The following DYNC2LI1 variants were observed in gnomAD, a reference collection of about 807,000 sequenced individuals.
DYNC2LI1 encodes the protein dynein cytoplasmic 2 light intermediate chain 1, also known as cytoplasmic dynein 2 light intermediate chain 1.
A neutral mutation model predicts 51.9 loss-of-function variants in DYNC2LI1; 45 were observed. The observed-to-expected ratio is 0.87, with a 90% CI of 0.68 to 1.11. DYNC2LI1 has a LOEUF of 1.11. Among genes scored for constraint, DYNC2LI1 ranks in the 50% most tolerant of loss-of-function variants. The pLI, the probability that DYNC2LI1 is intolerant of heterozygous loss-of-function variation, is 0.00. For synonymous variants in DYNC2LI1, 130 were observed against 137.8 expected (o/e 0.94, Z 0.40); for missense variants, 490 against 417.4 (o/e 1.17, Z -1.51).
chr2:43,803,735 A>G (rs1163396619), intron 10 of DYNC2LI1, among the ~76,000 whole-genome samples: 2 of 152,248 alleles, frequency 1.3e-5, no homozygotes, highest in Non-Finnish European at 2.9e-5. Context: ...GAATAACATC[A>G]GTGGAGCGTA....
At chr2:43,785,374 C>T (rs910963637) in intron 3 of DYNC2LI1, among the ~76,000 whole-genome samples, 4 of 152,028 alleles carry the variant, frequency 2.6e-5, no homozygotes, top group Non-Finnish European at 4.4e-5. Context: ...GAAATTCTGT[C>T]ACATGCTACA....
At chr2:43,813,709 G>GGTTTTTTTTTTTTT (rs1666623066), downstream of DYNC2LI1, among the ~76,000 whole-genome samples, 1 of 34,070 alleles carries the variant, frequency 2.9e-5, no homozygotes, top group Non-Finnish European at 5.4e-5. Context: ...TTTTTTTTTC[G>GGTTTTTTTTTTTTT]TTTTTTTTTT....
chr2:43,795,817 G>T, intron 6 of DYNC2LI1, 73 bp from the exon 7 acceptor site: 1 of 1,123,066 alleles, frequency 8.9e-7, no homozygotes. Context: ...AATGTTTTTG[G>T]AAGTAAATAG....
the DYNC2LI1 span, among the ~76,000 whole-genome samples, chr2:43,819,163 T>A: frequency 1.3e-5 from 2 of 152,198 alleles, no homozygotes; most frequent in Admixed American, 6.5e-5. Flanking sequence ...AGAAACAGCC[T>A]TCATGTTTCC....
Position 43,783,536 on chromosome 2 carries a change from T to C in DYNC2LI1, c.143T>C (p.Ile48Thr), listed in dbSNP as rs771590722. The C allele has an allele frequency of 2.6e-6, 4 of 1,534,352 alleles. No homozygotes were observed. The Admixed American group carries it at 7.0e-5, about 27-fold the overall frequency. Residue 48 changes from isoleucine (I) to threonine (T), a missense_variant, in exon 3 of 13, where the codon ATT (isoleucine) becomes ACT (threonine). By Grantham distance (89) the Ile-to-Thr change is moderately conservative (BLOSUM62 -1). Transcript: ENST00000260605. Reference protein sequence around the residue: ...GSKNGGKTTIILRCLDRDEPP... With the variant: ...GSKNGGKTTITLRCLDRDEPP... ...AATTTCCAGGGAAAGACTACTATTATTCTAAGGTGTCTTGACAGGTAAGTG... is the reference window on the plus strand; with the variant it reads ...AATTTCCAGGGAAAGACTACTATTACTCTAAGGTGTCTTGACAGGTAAGTG...
At chr2:43,790,996 C>T (rs1251712106) in intron 5 of DYNC2LI1, among the ~76,000 whole-genome samples, 1 of 152,118 alleles carries the variant, frequency 6.6e-6, no homozygotes, top group Non-Finnish European at 1.5e-5. Flanking sequence ...CAGTGGATCA[C>T]TTGAGGTCTG....
intron 12 of DYNC2LI1, among the ~76,000 whole-genome samples, chr2:43,806,905 T>C (rs1009330519): frequency 6.6e-6 from 1 of 152,144 alleles, no homozygotes; most frequent in Admixed American, 6.5e-5. Flanking sequence ...GATTTTTTTT[T>C]AACCTACCTG....
chr2:43,792,851 A>C, intron 5 of DYNC2LI1: 1 of 1,474,118 alleles, frequency 6.8e-7, no homozygotes, highest in Non-Finnish European at 8.9e-7. Context: ...CTAAGGCTAA[A>C]TAATGTTCCA....
intron 2 of DYNC2LI1, among the ~76,000 whole-genome samples, chr2:43,781,259 C>T (rs1318968291): frequency 6.6e-6 from 1 of 151,864 alleles, no homozygotes; most frequent in African/African-American, 2.4e-5. Context: ...ATCCCAGCTA[C>T]TCCGGAGGCT....
intron 12 of DYNC2LI1, among the ~76,000 whole-genome samples, chr2:43,809,290 C>T (rs898084773): frequency 6.6e-6 from 1 of 152,082 alleles, no homozygotes; most frequent in South Asian, 2.1e-4. Flanking sequence ...CCGCACCCAG[C>T]CTGGGTATGT....
chr2:43,827,857 ACCTGTGATTTCAGTTGTACACAAACC>A, the DYNC2LI1 span: 1 of 1,456,598 alleles, frequency 6.9e-7, no homozygotes, highest in African/African-American at 1.4e-5. Context: ...AGTTTGAAAA[ACCTGTGATTTCAGTTGTACACAAACC>A]CCTTTCCAAA....
In DYNC2LI1 at chr2:43,787,235, A is replaced by G; in HGVS notation, c.216A>G (p.Ala72=). ...LALEYTYGRR[A]KGHNTPKDIA... is the part of the protein sequence containing the mutation. Reference sequence around the variant, plus strand: ...TGGAATATACATATGGAAGAAGAGCAAAAGGGCACAACACAGTAAGTGTCT... The same window carrying G: ...TGGAATATACATATGGAAGAAGAGCGAAAGGGCACAACACAGTAAGTGTCT... Residue 72 remains alanine, a synonymous_variant, in exon 4 of 13, where the codon GCA becomes GCG. Coordinates refer to ENST00000260605, the MANE Select transcript of DYNC2LI1 (RefSeq NM_016008.4). The G allele has an allele frequency of 6.2e-7, 1 of 1,612,848 alleles. No individual in the cohort carries two copies. Among genetic ancestry groups the G allele is most frequent in the African/African-American group, 1.3e-5 (1 of 75,050 alleles).
At chr2:43,777,809 A>G (rs1432929468) in intron 2 of DYNC2LI1, among the ~76,000 whole-genome samples, 3 of 152,206 alleles carry the variant, frequency 2.0e-5, no homozygotes, top group Non-Finnish European at 4.4e-5. Context: ...TGGGGGTTTT[A>G]TATACAACAT....
the DYNC2LI1 span, among the ~76,000 whole-genome samples, chr2:43,827,245 A>C: frequency 0.016 from 2,382 of 151,986 alleles, 32 homozygotes; most frequent in Non-Finnish European, 0.025. Context: ...GAATCGCTTC[A>C]ACCTGGGAGG....
chr2:43,805,556 C>G (rs577503240), intron 12 of DYNC2LI1: 109 of 169,816 alleles, frequency 6.4e-4, no homozygotes, highest in Non-Finnish European at 9.6e-4. Flanking sequence ...GTGATTCTTA[C>G]CTTGCTGCTG....
intron 4 of DYNC2LI1, among the ~76,000 whole-genome samples, chr2:43,788,545 T>A (rs1281236001): frequency 6.6e-6 from 1 of 152,194 alleles, no homozygotes; most frequent in Admixed American, 6.5e-5. Context: ...GTGTCTTCAG[T>A]GTCAGGACAG....
chr2:43,803,850 C>T (rs1428137363), intron 10 of DYNC2LI1, among the ~76,000 whole-genome samples: 2 of 152,100 alleles, frequency 1.3e-5, no homozygotes, highest in African/African-American at 4.8e-5. Context: ...GGGAAATATC[C>T]AGTTACAAAT....
At chr2:43,821,547 C>G in the DYNC2LI1 span, among the ~76,000 whole-genome samples, 2 of 152,174 alleles carry the variant, frequency 1.3e-5, no homozygotes, top group Non-Finnish European at 2.9e-5. Flanking sequence ...ATGCTGGACC[C>G]CTTCTGCCAT....
Position 43,800,973 on chromosome 2 carries a change from G to A in DYNC2LI1, c.731+56G>A, listed in dbSNP as rs376924383. 8 of 1,203,640 alleles carry A rather than the reference G, an allele frequency of 6.6e-6. No homozygotes were observed. The East Asian group carries it at 2.0e-4, about 30-fold the overall frequency. 74.6% of individuals were successfully genotyped at this position (1,203,640 alleles called of 1,614,324 possible). A position where few individuals can be genotyped will look rare whatever the true frequency, so the allele number is the denominator to read the frequency against. On this transcript the variant is annotated intron_variant, in intron 9 of 12. Coordinates refer to ENST00000260605, the MANE Select transcript of DYNC2LI1 (RefSeq NM_016008.4). Reference sequence around the variant, plus strand: ...TTGAGTGATTGATTTAGCCAATGTTGTCTCATCTGATTATTGTTCTACTCA... The same window carrying A: ...TTGAGTGATTGATTTAGCCAATGTTATCTCATCTGATTATTGTTCTACTCA...
Sources: allele counts gnomAD v4.1 joint callset (sites outside exome capture counted in the v4.1 genomes callset), GRCh38; gene constraint gnomAD v4.1.1; transcripts MANE v1.5; gene names NCBI Gene and HGNC (gene_info 2026-07-23, HGNC 2026-07-21).